PTPRD: variants seen among roughly 807,000 people sequenced by gnomAD.
PTPRD encodes receptor-type tyrosine-protein phosphatase delta.
PTPRD carries 34 observed loss-of-function variants against 214.5 expected under a neutral mutation model. That is an observed-to-expected ratio of 0.16 (90% CI 0.12 to 0.21). The LOEUF is 0.21. Ranked by LOEUF, PTPRD falls within the 10% of genes least tolerant of loss-of-function variation. The pLI is 1.00. For missense variants in PTPRD, 2,545 were observed against 2,398.7 expected (o/e 1.06, Z -1.27); for synonymous variants, 1,128 against 845.7 (o/e 1.33, Z -5.79).
intron 3 of PTPRD, among the ~76,000 whole-genome samples, chr9:10,100,986 GC>G (rs1436010519): frequency 1.3e-5 from 2 of 151,558 alleles, no homozygotes; most frequent in Non-Finnish European, 3.0e-5. Context: ...CTTAGGATGG[GC>G]TTTTCAAGTT....
chr9:8,327,346 G>GT (rs3858062), intron 44 of PTPRD, among the ~76,000 whole-genome samples: 139 of 130,610 alleles, frequency 1.1e-3, no homozygotes, highest in Non-Finnish European at 1.5e-3. Context: ...GTTTTGAGTG[G>GT]TTTTTTTTTT....
intron 20 of PTPRD, among the ~76,000 whole-genome samples, chr9:8,519,024 C>T (rs1249089778): frequency 6.6e-6 from 1 of 152,006 alleles, no homozygotes; most frequent in Non-Finnish European, 1.5e-5. Context: ...TGCGATGAAA[C>T]AATAACATCT....
intron 8 of PTPRD, among the ~76,000 whole-genome samples, chr9:9,486,578 C>G (rs897395472): frequency 6.6e-6 from 1 of 151,924 alleles, no homozygotes. Context: ...CTTGCCCCTT[C>G]CTTCTCAAAT....
chr9:8,575,755 C>T (rs1292584999), intron 14 of PTPRD, among the ~76,000 whole-genome samples: 1 of 152,046 alleles, frequency 6.6e-6, no homozygotes, highest in African/African-American at 2.4e-5. Flanking sequence ...GTTTAAGTTG[C>T]AAAAACAAAT....
At position 9,933,355 on chromosome 9, in the gene PTPRD, C is replaced by T. The variant is rs1174133236; in HGVS notation, c.-368+5152G>A. ...CCCATCTCACATGCAGAGACACACA[C>T]AGGCTCAAAATAAAAGGATGGAGGA... On this transcript the variant is annotated intron_variant, in intron 5 of 45. Coordinates refer to ENST00000381196, the MANE Select transcript of PTPRD (RefSeq NM_002839.4). 1.8e-4 allele frequency among the ~76,000 whole-genome samples: 27 copies of T among 151,946 alleles called. No individual in the cohort carries two copies. In the South Asian group the frequency reaches 4.8e-3, roughly 27 times the overall value.
chr9:9,779,274 C>T (rs1358551280), intron 5 of PTPRD, among the ~76,000 whole-genome samples: 6 of 151,850 alleles, frequency 4.0e-5, no homozygotes, highest in Non-Finnish European at 8.8e-5. Flanking sequence ...CTAGAAAATA[C>T]ACTTCCAGAC....
chr9:9,302,340 G>A (rs1955617767), intron 9 of PTPRD, among the ~76,000 whole-genome samples: 1 of 151,834 alleles, frequency 6.6e-6, no homozygotes, highest in African/African-American at 2.4e-5. Flanking sequence ...CCTCTACCAT[G>A]TCATACACAC....
intron 2 of PTPRD, among the ~76,000 whole-genome samples, chr9:10,382,237 C>G (rs2097840743): frequency 6.6e-6 from 1 of 151,940 alleles, no homozygotes; most frequent in African/African-American, 2.4e-5. Flanking sequence ...CTTCAGATTT[C>G]TAATATAGGC....
intron 9 of PTPRD, among the ~76,000 whole-genome samples, chr9:9,301,472 A>T (rs1955270627): frequency 1.3e-5 from 2 of 150,108 alleles, no homozygotes; most frequent in South Asian, 4.2e-4. Flanking sequence ...GAAGCATAAC[A>T]GTGGGGATAC....
intron 2 of PTPRD, among the ~76,000 whole-genome samples, chr9:10,588,332 A>G (rs2132727563): frequency 6.6e-6 from 1 of 152,018 alleles, no homozygotes; most frequent in Middle Eastern, 3.4e-3. Flanking sequence ...TTCTGCAAGT[A>G]CAAATTTTCC....
intron 8 of PTPRD, among the ~76,000 whole-genome samples, chr9:9,402,966 G>GAAAAA (rs1555359331): frequency 3.8e-5 from 3 of 78,588 alleles, no homozygotes; most frequent in Admixed American, 1.8e-4. Context: ...CTAATAGGGA[G>GAAAAA]AAAAAAAAAA....
At chr9:10,205,780 G>T (rs2099471460) in intron 3 of PTPRD, among the ~76,000 whole-genome samples, 1 of 152,180 alleles carries the variant, frequency 6.6e-6, no homozygotes, top group Admixed American at 6.5e-5. Context: ...GAATTTTAAA[G>T]TAATTCAACT....
At chr9:9,903,748 A>C (rs1040582960) in intron 5 of PTPRD, among the ~76,000 whole-genome samples, 1 of 152,048 alleles carries the variant, frequency 6.6e-6, no homozygotes, top group East Asian at 1.9e-4. Context: ...AGGAAATTCT[A>C]AAGTACTTGA....
rs1380926985 is a variant in PTPRD, at chr9:9,188,823, TGTGTGTGTG to T, written c.-202-5469_-202-5461del. On this transcript the variant is annotated intron_variant, in intron 9 of 45. Coordinates refer to ENST00000381196, the MANE Select transcript of PTPRD (RefSeq NM_002839.4). ...GCAAAATAAATTGTGTGTGTGTGTGTGTGTGTGTGTGTGTGTGTGTTGTGTGCATGCATG... is the reference window on the plus strand; with the variant it reads ...GCAAAATAAATTGTGTGTGTGTGTGTTGTGTGTGTGTTGTGTGCATGCATG... Among the ~76,000 whole-genome samples the T allele has an allele frequency of 3.1e-3, 475 of 151,674 alleles. 5 individuals carry two copies. Among genetic ancestry groups the T allele is most frequent in the African/African-American group, 0.011 (455 of 41,362 alleles).
intron 11 of PTPRD, among the ~76,000 whole-genome samples, chr9:8,789,461 T>G (rs945096486): frequency 6.6e-6 from 1 of 152,202 alleles, no homozygotes; most frequent in Non-Finnish European, 1.5e-5. Context: ...GATGTACACA[T>G]AGCAGTAGAA....
At chr9:10,436,018 C>A (rs1327459162) in intron 2 of PTPRD, among the ~76,000 whole-genome samples, 1 of 151,726 alleles carries the variant, frequency 6.6e-6, no homozygotes, top group African/African-American at 2.4e-5. Flanking sequence ...TATCAATTCC[C>A]TAAGATGATT....
At chr9:8,486,590 A>T in intron 27 of PTPRD, 2 of 653,436 alleles carry the variant, frequency 3.1e-6, no homozygotes, top group South Asian at 1.6e-5. Flanking sequence ...TATCATTGAA[A>T]CAACAGCTTA....
At chr9:9,223,745 C>T (rs183168537) in intron 9 of PTPRD, among the ~76,000 whole-genome samples, 26 of 151,960 alleles carry the variant, frequency 1.7e-4, no homozygotes, top group Middle Eastern at 3.4e-3. Context: ...CAATGCAAAT[C>T]AAATGCACGT....
At chr9:10,133,307 T>G (rs190419115) in intron 3 of PTPRD, among the ~76,000 whole-genome samples, 1,607 of 152,110 alleles carry the variant, frequency 0.011, 91 homozygotes, top group Admixed American at 0.081. Context: ...GAAAAAAAGC[T>G]GATGGGGAAT....
Sources: gnomAD v4.1 joint callset for allele counts (sites outside exome capture counted in the v4.1 genomes callset) on GRCh38, gnomAD v4.1.1 for gene constraint, MANE v1.5 for transcripts, NCBI Gene and HGNC (gene_info 2026-07-23, HGNC 2026-07-21) for gene names.